SORCS2: variants seen among roughly 807,000 people sequenced by gnomAD.
SORCS2 encodes the protein VPS10 domain-containing receptor SorCS2.
SORCS2 carries 100 observed loss-of-function variants against 141.6 expected under a neutral mutation model. That is an observed-to-expected ratio of 0.71 (90% CI 0.60 to 0.83). The LOEUF (loss-of-function observed/expected upper bound fraction) is 0.83, where lower values mean the gene tolerates loss of function less well. SORCS2 is among the 40% of genes least tolerant of loss of function. The probability of loss-of-function intolerance (pLI) is 0.00; values close to 1 mark genes in which losing one functional copy is unlikely to be tolerated. For missense variants in SORCS2, 1,646 were observed against 1,560.2 expected (o/e 1.05, Z -0.93); for synonymous variants, 789 against 676.9 (o/e 1.17, Z -2.57).
At chr4:7,660,108 A>G (rs769703621) in intron 5 of SORCS2, among the ~76,000 whole-genome samples, 3 of 152,306 alleles carry the variant, frequency 2.0e-5, no homozygotes, top group Non-Finnish European at 2.9e-5. Context: ...CCTGCCACCA[A>G]ATGGAGGTAT....
chr4:7,484,268 A>G (rs1437483015), intron 2 of SORCS2, among the ~76,000 whole-genome samples: 1 of 152,222 alleles, frequency 6.6e-6, no homozygotes, highest in Non-Finnish European at 1.5e-5. Context: ...AGGTGTGCTG[A>G]GAATTACATC....
intron 1 of SORCS2, among the ~76,000 whole-genome samples, chr4:7,207,393 C>T (rs1258628164): frequency 6.6e-6 from 1 of 152,204 alleles, no homozygotes; most frequent in African/African-American, 2.4e-5. Flanking sequence ...CTGCTCTCTG[C>T]GTTCACCCAG....
At chr4:7,602,409 G>C (rs1194467014) in intron 3 of SORCS2, among the ~76,000 whole-genome samples, 1 of 151,702 alleles carries the variant, frequency 6.6e-6, no homozygotes, top group Non-Finnish European at 1.5e-5. Flanking sequence ...CGGGGCGGCC[G>C]GGCAGAGACA....
At chr4:7,738,692 C>T (rs1712404096) in intron 26 of SORCS2, among the ~76,000 whole-genome samples, 1 of 152,110 alleles carries the variant, frequency 6.6e-6, no homozygotes, top group East Asian at 1.9e-4. Flanking sequence ...TCCGGGACAT[C>T]CTCAGAACGT....
Position 7,390,565 on chromosome 4 carries a change from G to A in SORCS2, c.481-5723G>A, listed in dbSNP as rs369888721. On this transcript the variant is annotated intron_variant, in intron 1 of 26. Coordinates refer to ENST00000507866, the MANE Select transcript of SORCS2 (RefSeq NM_020777.3). ...TGTGTCTCTCCAAAGGGATTATTGC[G>A]CGTCTCTCCGTAAGGAGCTTGTACC... is the stretch of plus-strand genomic sequence containing the variant. 2.2e-4 allele frequency among the ~76,000 whole-genome samples: 34 copies of A among 152,304 alleles called. No individual in the cohort carries two copies. The East Asian group carries it at 4.3e-3, about 19-fold the overall frequency.
At chr4:7,508,565 TGACCTCA>T (rs1236783336) in intron 2 of SORCS2, among the ~76,000 whole-genome samples, 1 of 152,098 alleles carries the variant, frequency 6.6e-6, no homozygotes, top group Non-Finnish European at 1.5e-5. Flanking sequence ...CTCAAACTCC[TGACCTCA>T]GGTGATCCAT....
At chr4:7,548,150 C>T (rs1018615258) in intron 3 of SORCS2, among the ~76,000 whole-genome samples, 8 of 152,122 alleles carry the variant, frequency 5.3e-5, no homozygotes, top group Admixed American at 2.0e-4. Context: ...AAGAGGAAGG[C>T]CTTTGAGGGC....
intron 1 of SORCS2, among the ~76,000 whole-genome samples, chr4:7,292,428 C>T (rs1190859104): frequency 6.6e-6 from 1 of 152,244 alleles, no homozygotes; most frequent in Non-Finnish European, 1.5e-5. Context: ...GGCACTGGAT[C>T]TCAGGAAGAT....
intron 14 of SORCS2, among the ~76,000 whole-genome samples, chr4:7,706,749 AGGCTG>A (rs1338451893): frequency 2.0e-4 from 30 of 146,962 alleles, no homozygotes; most frequent in African/African-American, 7.4e-4. Context: ...GGCAGGGATG[AGGCTG>A]GGCTCTGCCT....
At chr4:7,378,690 C>A (rs760211748) in intron 1 of SORCS2, among the ~76,000 whole-genome samples, 19 of 152,138 alleles carry the variant, frequency 1.2e-4, no homozygotes, top group Non-Finnish European at 2.1e-4. Flanking sequence ...GCAGGTTCCT[C>A]CCCCCCACAC....
At chr4:7,502,644 G>A (rs1162280574) in intron 2 of SORCS2, among the ~76,000 whole-genome samples, 1 of 152,190 alleles carries the variant, frequency 6.6e-6, no homozygotes, top group Non-Finnish European at 1.5e-5. Context: ...TCTGGGACAG[G>A]AGTACACGTG....
intron 11 of SORCS2, among the ~76,000 whole-genome samples, chr4:7,694,205 T>C (rs11735713): frequency 0.71 from 107,181 of 151,968 alleles, 38,173 homozygotes; most frequent in East Asian, 0.92. Context: ...TCTGCTGGCA[T>C]CAAGGAAGGG....
chr4:7,489,875 CAGGG>C (rs1731213136), intron 2 of SORCS2, among the ~76,000 whole-genome samples: 2 of 152,142 alleles, frequency 1.3e-5, no homozygotes, highest in South Asian at 4.1e-4. Flanking sequence ...AGGACACTGA[CAGGG>C]CTCTGGAGCC....
At chr4:7,431,136 C>G (rs560904488) in intron 2 of SORCS2, 1 of 152,512 alleles carries the variant, frequency 6.6e-6, no homozygotes, top group Non-Finnish European at 1.5e-5. Context: ...TGCTCATGAC[C>G]TGGGTGTGCA....
At chr4:7,621,817 G>C (rs552017006) in intron 3 of SORCS2, among the ~76,000 whole-genome samples, 2 of 152,338 alleles carry the variant, frequency 1.3e-5, no homozygotes, top group African/African-American at 4.8e-5. Context: ...TGGGTAAGAT[G>C]CTCACCTCTC....
At chr4:7,413,024 G>T (rs1258473600) in intron 2 of SORCS2, among the ~76,000 whole-genome samples, 10 of 152,138 alleles carry the variant, frequency 6.6e-5, no homozygotes. Context: ...GAATTTCAGT[G>T]TTAACCGCCT....
At chr4:7,391,065 TC>T (rs1161906689) in intron 1 of SORCS2, among the ~76,000 whole-genome samples, 1 of 152,172 alleles carries the variant, frequency 6.6e-6, no homozygotes, top group Non-Finnish European at 1.5e-5. Flanking sequence ...TCCCGCAGTC[TC>T]CAAGTTAGCA....
At chr4:7,731,994 CAGTGG>C (rs2148895319) in intron 23 of SORCS2, among the ~76,000 whole-genome samples, 1 of 152,294 alleles carries the variant, frequency 6.6e-6, no homozygotes, top group East Asian at 1.9e-4. Context: ...GAGAAACAAT[CAGTGG>C]AGTGAAGAGA....
At chr4:7,727,891 G>A (rs1453327150) in intron 21 of SORCS2, among the ~76,000 whole-genome samples, 1 of 152,178 alleles carries the variant, frequency 6.6e-6, no homozygotes, top group Non-Finnish European at 1.5e-5. Context: ...TGCTCTCAAG[G>A]GACTCTTAAT....
Sources: gnomAD v4.1 joint callset for allele counts (sites outside exome capture counted in the v4.1 genomes callset) on GRCh38, gnomAD v4.1.1 for gene constraint, MANE v1.5 for transcripts, NCBI Gene and HGNC (gene_info 2026-07-23, HGNC 2026-07-21) for gene names.